The following CTNNA2 variants were observed in gnomAD, a reference collection of about 807,000 sequenced individuals.
The protein encoded by CTNNA2 is catenin alpha 2.
Under a neutral mutation model 101.0 loss-of-function variants are expected in CTNNA2, and 42 were observed. That is an observed-to-expected ratio of 0.42 (90% CI 0.32 to 0.54). The LOEUF (loss-of-function observed/expected upper bound fraction) is 0.54. CTNNA2 is among the 20% of genes least tolerant of loss of function. The probability of loss-of-function intolerance (pLI) is 0.14; values close to 1 mark genes in which losing one functional copy is unlikely to be tolerated. For synonymous variants in CTNNA2, 450 were observed against 456.4 expected, an observed-to-expected ratio of 0.99 and a Z score of 0.18; for missense variants, 871 against 1,223.1, an observed-to-expected ratio of 0.71 and a Z score of 4.29.
intron 1 of CTNNA2, among the ~76,000 whole-genome samples, chr2:79,635,187 G>A (rs532974256): frequency 4.2e-4 from 64 of 152,170 alleles, no homozygotes; most frequent in African/African-American, 1.4e-3. Flanking sequence ...TATTAGACTT[G>A]AACTTTTTAT....
intron 9 of CTNNA2, among the ~76,000 whole-genome samples, chr2:80,529,256 G>A (rs1157544493): frequency 1.3e-5 from 2 of 152,110 alleles, no homozygotes; most frequent in Admixed American, 6.5e-5. Flanking sequence ...TGTTTTAACC[G>A]CCCTTTATAA....
chr2:80,305,915 C>T (rs1346026871), intron 7 of CTNNA2, among the ~76,000 whole-genome samples: 2 of 152,160 alleles, frequency 1.3e-5, no homozygotes, highest in Admixed American at 6.5e-5. Flanking sequence ...GAATTCCCAT[C>T]GTTTCTGCCT....
chr2:80,012,522 T>C (rs1413335610), intron 7 of CTNNA2, among the ~76,000 whole-genome samples: 1 of 152,194 alleles, frequency 6.6e-6, no homozygotes, highest in African/African-American at 2.4e-5. Context: ...AAGGACTAGA[T>C]ACAAACATTT....
chr2:80,234,886 A>C (rs1434898833), intron 7 of CTNNA2, among the ~76,000 whole-genome samples: 4 of 151,846 alleles, frequency 2.6e-5, no homozygotes, highest in Non-Finnish European at 1.5e-5. Context: ...ACAACTATTT[A>C]ACTCAGCCAT....
intron 9 of CTNNA2, among the ~76,000 whole-genome samples, chr2:80,500,859 A>G (rs988449583): frequency 6.6e-6 from 1 of 152,066 alleles, no homozygotes; most frequent in Admixed American, 6.6e-5. Flanking sequence ...GCTATTTTTC[A>G]TTAAAGCTTC....
At chr2:79,572,012 A>T (rs1000361083) in intron 1 of CTNNA2, among the ~76,000 whole-genome samples, 1 of 151,946 alleles carries the variant, frequency 6.6e-6, no homozygotes, top group Non-Finnish European at 1.5e-5. Flanking sequence ...GGCCTCATTG[A>T]TTTGGTGCTT....
rs762625289 is a variant in CTNNA2, at chr2:80,169,590, T to C, written c.1057-223621T>C. Among the ~76,000 whole-genome samples the C allele has an allele frequency of 2.0e-5, 3 of 152,212 alleles. No homozygotes were observed. In the East Asian group the frequency reaches 5.8e-4, roughly 29 times the overall value. On this transcript the variant is annotated intron_variant, in intron 7 of 18. Transcript: ENST00000402739. ...GGCCTGTGACCACCCCTGCTCTATC[T>C]GTTTCTGTGGCCTAAACTCTGTGGG... is the stretch of plus-strand genomic sequence containing the variant.
intron 11 of CTNNA2, among the ~76,000 whole-genome samples, chr2:80,550,044 G>A (rs1692431671): frequency 1.3e-5 from 2 of 152,136 alleles, no homozygotes; most frequent in African/African-American, 4.8e-5. Context: ...ATGTAAACAG[G>A]TATGGCTTTT....
upstream of CTNNA2, among the ~76,000 whole-genome samples, chr2:79,508,301 C>CTTTGCT (rs1414168981): frequency 1.3e-5 from 2 of 152,078 alleles, no homozygotes; most frequent in Non-Finnish European, 2.9e-5. Context: ...CAGTCATTTG[C>CTTTGCT]TTTTGAAAGA....
chr2:80,395,002 C>T (rs1314727816), intron 8 of CTNNA2, among the ~76,000 whole-genome samples: 4 of 152,132 alleles, frequency 2.6e-5, no homozygotes, highest in African/African-American at 9.7e-5. Context: ...AACAAGCCCC[C>T]TCAGCTCTTT....
intron 1 of CTNNA2, among the ~76,000 whole-genome samples, chr2:79,650,183 GGGGGA>G (rs1681124746): frequency 7.5e-6 from 1 of 134,190 alleles, no homozygotes; most frequent in Non-Finnish European, 1.6e-5. Flanking sequence ...CGGGGGGGGG[GGGGGA>G]GGGGCTAGAA....
At chr2:80,474,557 A>G (rs986632977) in intron 9 of CTNNA2, among the ~76,000 whole-genome samples, 8 of 152,214 alleles carry the variant, frequency 5.3e-5, no homozygotes, top group Non-Finnish European at 1.0e-4. Flanking sequence ...ATACTGTTAC[A>G]TACCTACATT....
upstream of CTNNA2, among the ~76,000 whole-genome samples, chr2:79,509,195 C>T (rs1391221117): frequency 6.6e-6 from 1 of 151,742 alleles, no homozygotes; most frequent in Non-Finnish European, 1.5e-5. Context: ...GAGAAGAAAT[C>T]TGCAGCTAGA....
intron 2 of CTNNA2, among the ~76,000 whole-genome samples, chr2:79,241,868 C>T (rs539871493): frequency 8.6e-5 from 13 of 150,870 alleles, no homozygotes; most frequent in Admixed American, 2.6e-4. Flanking sequence ...AAAACAGCAT[C>T]GAATCACATT....
intron 9 of CTNNA2, among the ~76,000 whole-genome samples, chr2:80,449,682 G>A (rs1264494089): frequency 6.6e-6 from 1 of 152,138 alleles, no homozygotes; most frequent in Non-Finnish European, 1.5e-5. Context: ...ATTATCCAGT[G>A]ATCAATAAGG....
At chr2:80,257,841 G>A (rs1237486474) in intron 7 of CTNNA2, among the ~76,000 whole-genome samples, 5 of 152,222 alleles carry the variant, frequency 3.3e-5, no homozygotes, top group South Asian at 2.1e-4. Flanking sequence ...GTCTACACCC[G>A]GGCAATCATC....
chr2:80,589,603 AT>A, intron 15 of CTNNA2, 118 bp downstream of exon 15: 2 of 929,114 alleles, frequency 2.2e-6, no homozygotes, highest in Non-Finnish European at 3.2e-6. Flanking sequence ...AGGTGGTGGT[AT>A]TATAAATTTA....
chr2:80,126,246 A>T (rs1458905115), intron 7 of CTNNA2, among the ~76,000 whole-genome samples: 2 of 152,096 alleles, frequency 1.3e-5, no homozygotes, highest in African/African-American at 2.4e-5. Flanking sequence ...TAATAGTGGG[A>T]GCTCAGCATC....
intron 7 of CTNNA2, among the ~76,000 whole-genome samples, chr2:80,170,938 A>G (rs1272866669): frequency 6.6e-6 from 1 of 152,180 alleles, no homozygotes; most frequent in Non-Finnish European, 1.5e-5. Flanking sequence ...CTGCCTAAAC[A>G]GGGAAAAATG....
Sources: allele counts gnomAD v4.1 joint callset (sites outside exome capture counted in the v4.1 genomes callset), GRCh38; gene constraint gnomAD v4.1.1; transcripts MANE v1.5; gene names NCBI Gene and HGNC (gene_info 2026-07-23, HGNC 2026-07-21).